The following SLC37A1 variants were observed in gnomAD, a reference collection of about 807,000 sequenced individuals.
The protein encoded by SLC37A1 is solute carrier family 37 member 1, also known as glucose-6-phosphate exchanger SLC37A1.
In SLC37A1, 49 loss-of-function variants were observed where a neutral mutation model predicts 75.3. The ratio of observed to expected loss-of-function variants is 0.65; its 90% CI spans 0.52 to 0.83. The LOEUF (loss-of-function observed/expected upper bound fraction) is 0.83. Among genes scored for constraint, SLC37A1 ranks in the 40% least tolerant of loss-of-function variants. The pLI is 0.00. For missense variants in SLC37A1, 566 were observed against 695.0 expected (o/e 0.81, Z 2.09); for synonymous variants, 268 against 292.1 (o/e 0.92, Z 0.84).
chr21:42,530,643 CACACACACACA>C (rs1046268006), intron 3 of SLC37A1, among the ~76,000 whole-genome samples: 7 of 31,786 alleles, frequency 2.2e-4, no homozygotes, highest in Admixed American at 4.9e-4. Context: ...CACACACACA[CACACACACACA>C]CCCCCTCTGT....
chr21:42,572,390 ATTTG>A (rs1314657190), intron 17 of SLC37A1, among the ~76,000 whole-genome samples: 1 of 151,628 alleles, frequency 6.6e-6, no homozygotes, highest in African/African-American at 2.4e-5. Flanking sequence ...CCATTTTCTG[ATTTG>A]TTTTTTCTTT....
rs1382025536 is a variant in SLC37A1, at chr21:42,563,869, G to T, written c.1127G>T (p.Gly376Val). Residue 376 changes from glycine to valine, a missense_variant, in exon 13 of 20, where the codon GGA becomes GTA. Gly to Val is a moderately radical substitution (Grantham distance 109, BLOSUM62 -3). Transcript: ENST00000352133. The stretch of plus-strand genomic sequence containing the variant: ...CTCTCCACCCTGTTTGACGTGGGCG[G>T]AATCTTTGGTGAGTTCATTAAGACT... ...GELSTLFDVG[G>V]IFGGILAGVI... is the part of the protein sequence containing the mutation. 1 of 1,614,170 alleles carries T rather than the reference G, an allele frequency of 6.2e-7. No individual in the cohort carries two copies. Among genetic ancestry groups the T allele is most frequent in the East Asian group, 2.2e-5 (1 of 44,880 alleles).
At chr21:42,557,694 C>T (rs2055726567) in intron 10 of SLC37A1, among the ~76,000 whole-genome samples, 1 of 152,232 alleles carries the variant, frequency 6.6e-6, no homozygotes, top group Non-Finnish European at 1.5e-5. Flanking sequence ...ACCTGCCACC[C>T]GGTTTCCAAA....
At position 42,568,410 on chromosome 21, in the gene SLC37A1, G is replaced by A. The variant is rs1290163589; in HGVS notation, c.1395G>A (p.Thr465=). 6.2e-6 allele frequency: 10 copies of A among 1,613,978 alleles called. No individual in the cohort carries two copies. Among genetic ancestry groups the A allele is most frequent in the South Asian group, 4.4e-5 (4 of 91,050 alleles). ...KGNAHALSTV[T]AIIDGTGSVG... is the part of the protein sequence containing the mutation. ...ACGCGCACGCCCTCTCCACCGTGAC[G>A]GCCATCATTGACGGGACGGGCTCTG... Residue 465 remains threonine (T), a synonymous_variant, in exon 17 of 20, where the codon ACG becomes ACA. Transcript: ENST00000352133.
At chr21:42,561,923 G>A in intron 11 of SLC37A1, 155 bp from the exon 12 acceptor site, 2 of 668,418 alleles carry the variant, frequency 3.0e-6, no homozygotes, top group East Asian at 5.4e-5. Flanking sequence ...ACACAGCGGT[G>A]CAGCACCCTC....
At chr21:42,568,863 T>A (rs2056050404) in intron 17 of SLC37A1, among the ~76,000 whole-genome samples, 1 of 152,226 alleles carries the variant, frequency 6.6e-6, no homozygotes, top group Non-Finnish European at 1.5e-5. Flanking sequence ...TATTCTGGAA[T>A]TTAAAAAGGT....
intron 15 of SLC37A1, among the ~76,000 whole-genome samples, chr21:42,566,414 G>T (rs953519589): frequency 1.3e-5 from 2 of 152,252 alleles, no homozygotes; most frequent in Non-Finnish European, 2.9e-5. Context: ...AACCTTGGAG[G>T]ACTATTTTGA....
At chr21:42,574,431 A>G (rs1339626758) in intron 17 of SLC37A1, among the ~76,000 whole-genome samples, 1 of 152,214 alleles carries the variant, frequency 6.6e-6, no homozygotes, top group African/African-American at 2.4e-5. Context: ...GGAGGCGTAC[A>G]GGTGGAGTAT....
intron 5 of SLC37A1, among the ~76,000 whole-genome samples, chr21:42,536,119 G>C (rs192801169): frequency 1.3e-5 from 2 of 152,318 alleles, no homozygotes; most frequent in East Asian, 3.9e-4. Context: ...TCCCAGCTCT[G>C]AGTACAGCAG....
At chr21:42,542,521 T>C (rs1463418366) in intron 7 of SLC37A1, 41 bp downstream of exon 7, 1 of 1,593,862 alleles carries the variant, frequency 6.3e-7, no homozygotes, top group South Asian at 1.1e-5. Context: ...AGATGAAAAC[T>C]AGACCATTTT....
chr21:42,510,799 A>C (rs2054425803), upstream of SLC37A1, among the ~76,000 whole-genome samples: 1 of 152,234 alleles, frequency 6.6e-6, no homozygotes, highest in Non-Finnish European at 1.5e-5. Context: ...TAAATTCATC[A>C]AGAGGATATA....
At position 42,522,455 on chromosome 21, in the gene SLC37A1, C is replaced by G. The variant is rs569336904; in HGVS notation, c.57-3321C>G. On this transcript the variant is annotated intron_variant, in intron 2 of 19. Transcript: ENST00000352133. ...AGGCCAGGCGTATCGGGGTGACAAC[C>G]AGCAAGGCAGCGGCCCGAGTGTGGC... Among the ~76,000 whole-genome samples, 20 of 152,254 alleles carry G rather than the reference C, an allele frequency of 1.3e-4. No individual in the cohort carries two copies. The South Asian group carries it at 3.9e-3, about 30-fold the overall frequency.
intron 9 of SLC37A1, among the ~76,000 whole-genome samples, chr21:42,549,971 C>T (rs2055517011): frequency 6.6e-6 from 1 of 152,204 alleles, no homozygotes; most frequent in Non-Finnish European, 1.5e-5. Flanking sequence ...TCTATCAACG[C>T]CCCTTCTAAT....
intron 17 of SLC37A1, among the ~76,000 whole-genome samples, chr21:42,574,117 C>A (rs1053689178): frequency 6.6e-6 from 1 of 152,228 alleles, no homozygotes; most frequent in Non-Finnish European, 1.5e-5. Context: ...CTGCCCCTTT[C>A]CTCGTAACTA....
upstream of SLC37A1, among the ~76,000 whole-genome samples, chr21:42,511,172 C>A (rs565967781): frequency 6.6e-6 from 1 of 152,162 alleles, no homozygotes; most frequent in African/African-American, 2.4e-5. Flanking sequence ...AACTAGAAAT[C>A]AGTAACAGGA....
At chr21:42,520,297 A>G (rs972418043) in intron 2 of SLC37A1, among the ~76,000 whole-genome samples, 1 of 152,126 alleles carries the variant, frequency 6.6e-6, no homozygotes, top group Non-Finnish European at 1.5e-5. Context: ...TCGTCTCTTC[A>G]TCTAGCACTG....
chr21:42,516,692 A>G (rs2054527378), intron 1 of SLC37A1, among the ~76,000 whole-genome samples: 1 of 152,198 alleles, frequency 6.6e-6, no homozygotes, highest in African/African-American at 2.4e-5. Context: ...TTGATTTGTC[A>G]GTGCCTTCTG....
chr21:42,512,914 T>A (rs1241479458), upstream of SLC37A1, among the ~76,000 whole-genome samples: 2 of 152,186 alleles, frequency 1.3e-5, no homozygotes, highest in African/African-American at 4.8e-5. Flanking sequence ...AAGAATGCCT[T>A]CTCCATTCTC....
chr21:42,538,975 G>T (rs1205149880), intron 5 of SLC37A1, among the ~76,000 whole-genome samples: 2 of 152,202 alleles, frequency 1.3e-5, no homozygotes, highest in Non-Finnish European at 2.9e-5. Context: ...TCAGGTCAAA[G>T]TGGTGTGGCA....
Sources: gnomAD v4.1 joint callset for allele counts (sites outside exome capture counted in the v4.1 genomes callset) on GRCh38, gnomAD v4.1.1 for gene constraint, MANE v1.5 for transcripts, NCBI Gene and HGNC (gene_info 2026-07-23, HGNC 2026-07-21) for gene names.